TBC1D22A: variants seen among roughly 807,000 people sequenced by gnomAD.
TBC1D22A encodes the protein TBC1 domain family member 22A.
A neutral mutation model predicts 60.2 loss-of-function variants in TBC1D22A; 38 were observed. The ratio of observed to expected loss-of-function variants is 0.63; its 90% CI spans 0.49 to 0.83. TBC1D22A has a LOEUF of 0.83. Ranked by LOEUF, TBC1D22A falls within the 40% of genes least tolerant of loss-of-function variation. The pLI, the probability that TBC1D22A is intolerant of heterozygous loss-of-function variation, is 0.00. For missense variants in TBC1D22A, 628 were observed against 701.0 expected (o/e 0.90, Z 1.18); for synonymous variants, 302 against 281.7 (o/e 1.07, Z -0.72).
intron 1 of TBC1D22A, among the ~76,000 whole-genome samples, chr22:46,769,894 T>C (rs575849163): frequency 6.6e-6 from 1 of 152,020 alleles, no homozygotes; most frequent in South Asian, 2.1e-4. Context: ...ACACTCAGGA[T>C]TCACTGATGG....
At chr22:46,901,954 G>A (rs3891508) in intron 7 of TBC1D22A, among the ~76,000 whole-genome samples, 17,827 of 135,472 alleles carry the variant, frequency 0.13, 2,323 homozygotes, top group African/African-American at 0.35. Flanking sequence ...GTTTATAAAC[G>A]TGAGTACAGC....
chr22:46,890,423 A>C (rs1003160553), intron 5 of TBC1D22A, among the ~76,000 whole-genome samples: 1 of 152,184 alleles, frequency 6.6e-6, no homozygotes, highest in Non-Finnish European at 1.5e-5. Context: ...AATTACTTAC[A>C]TAGCATTTAC....
chr22:46,982,226 CTTTTT>C (rs750713030), intron 9 of TBC1D22A, among the ~76,000 whole-genome samples: 1 of 138,642 alleles, frequency 7.2e-6, no homozygotes. Flanking sequence ...AAGAGACAGT[CTTTTT>C]TTTTTTTTTT....
At chr22:46,840,038 C>T (rs1241213155) in intron 4 of TBC1D22A, among the ~76,000 whole-genome samples, 1 of 152,194 alleles carries the variant, frequency 6.6e-6, no homozygotes, top group Non-Finnish European at 1.5e-5. Flanking sequence ...TTGTTCTGCT[C>T]AGTGCCTTTT....
chr22:47,108,319 T>C (rs867114687), intron 11 of TBC1D22A, among the ~76,000 whole-genome samples: 1 of 152,218 alleles, frequency 6.6e-6, no homozygotes, highest in East Asian at 1.9e-4. Context: ...AACAGATGAA[T>C]GGATAAACAA....
chr22:47,005,825 C>T (rs1162755812), intron 10 of TBC1D22A, among the ~76,000 whole-genome samples: 2 of 151,400 alleles, frequency 1.3e-5, no homozygotes, highest in South Asian at 2.1e-4. Context: ...TACACACCCC[C>T]CATACACATA....
At chr22:47,120,141 T>A (rs2066220037) in intron 12 of TBC1D22A, among the ~76,000 whole-genome samples, 1 of 152,166 alleles carries the variant, frequency 6.6e-6, no homozygotes, top group Non-Finnish European at 1.5e-5. Flanking sequence ...AATAAAAATA[T>A]CCTATCAATA....
intron 10 of TBC1D22A, among the ~76,000 whole-genome samples, chr22:47,017,116 T>TA (rs1176459173): frequency 1.3e-5 from 2 of 152,272 alleles, no homozygotes; most frequent in Non-Finnish European, 2.9e-5. Flanking sequence ...TATTACCAGT[T>TA]ACAAGTCTTT....
intron 12 of TBC1D22A, among the ~76,000 whole-genome samples, chr22:47,169,804 A>G (rs1175022049): frequency 1.4e-4 from 21 of 152,210 alleles, no homozygotes; most frequent in Admixed American, 1.4e-3. Flanking sequence ...AGATCCACAG[A>G]TGTGGCCATT....
At chr22:47,003,659 A>T (rs548760791) in intron 10 of TBC1D22A, among the ~76,000 whole-genome samples, 3 of 126,640 alleles carry the variant, frequency 2.4e-5, no homozygotes, top group African/African-American at 9.5e-5. Context: ...GCACCCCTGT[A>T]TACACACACA....
intron 12 of TBC1D22A, among the ~76,000 whole-genome samples, chr22:47,158,543 C>G (rs9626944): frequency 0.2 from 30,670 of 152,138 alleles, 4,066 homozygotes; most frequent in African/African-American, 0.38. Flanking sequence ...ACGGCCCACC[C>G]TCTGCACAGC....
Position 46,777,262 on chromosome 22 carries a change from A to G in TBC1D22A, c.62+14414A>G, listed in dbSNP as rs374291462. Among the ~76,000 whole-genome samples, 2 of 149,134 alleles carry G rather than the reference A, an allele frequency of 1.3e-5. No individual in the cohort carries two copies. Among genetic ancestry groups the G allele is most frequent in the Non-Finnish European group, 3.0e-5 (2 of 66,922 alleles). On this transcript the variant is annotated intron_variant, in intron 1 of 12. Coordinates refer to ENST00000337137, the MANE Select transcript of TBC1D22A (RefSeq NM_014346.5). The surrounding 1 kb of genome is among the most constrained non-coding windows in gnomAD (Gnocchi z 4.5). Reference sequence around the variant, plus strand: ...GGTTTTCGATGCCAGGACATGGGCCAGTGAGAGCCAGGGGCCGCCAGAAGA... The same window carrying G: ...GGTTTTCGATGCCAGGACATGGGCCGGTGAGAGCCAGGGGCCGCCAGAAGA...
chr22:47,059,713 C>T (rs568645073), intron 11 of TBC1D22A, among the ~76,000 whole-genome samples: 31 of 152,290 alleles, frequency 2.0e-4, no homozygotes, highest in South Asian at 6.2e-4. Flanking sequence ...ATGCAGGTGC[C>T]GTTTCTGCCT....
In TBC1D22A at chr22:46,942,026, T is replaced by TA. The variant is rs1555960666; in HGVS notation, c.1015+29838_1015+29839insA. ...CAGCATACATATATATATATATATATTATATATATATATACACACAGTCCA... is the reference window on the plus strand; with the variant it reads ...CAGCATACATATATATATATATATATATATATATATATATACACACAGTCCA... On this transcript the variant is annotated intron_variant, in intron 8 of 12. Transcript: ENST00000337137. Among the ~76,000 whole-genome samples, 226 of 137,392 alleles carry TA rather than the reference T, an allele frequency of 1.6e-3. 1 individual carries two copies. The highest frequency in any genetic ancestry group is 5.0e-4 in the Non-Finnish European group (32 of 64,378). The allele number at this position is 137,392 out of a possible 152,430, so 90.1% of individuals were successfully genotyped here.
intron 12 of TBC1D22A, among the ~76,000 whole-genome samples, chr22:47,124,666 C>A (rs2066388718): frequency 1.3e-5 from 2 of 152,190 alleles, no homozygotes; most frequent in Non-Finnish European, 2.9e-5. Context: ...GCAAGCTGGT[C>A]CCAGAGGCAG....
chr22:47,167,199 C>A (rs1411928034), intron 12 of TBC1D22A, among the ~76,000 whole-genome samples: 1 of 152,176 alleles, frequency 6.6e-6, no homozygotes, highest in Non-Finnish European at 1.5e-5. Context: ...TTTGCATATA[C>A]ACACAGAAAG....
chr22:46,788,573 TGGG>T (rs1038242247), intron 1 of TBC1D22A, among the ~76,000 whole-genome samples: 2 of 151,944 alleles, frequency 1.3e-5, no homozygotes, highest in African/African-American at 4.8e-5. Flanking sequence ...CCAGCCCCAC[TGGG>T]ACCCGCCTGT....
chr22:46,822,055 C>G (rs1037625114), intron 4 of TBC1D22A, among the ~76,000 whole-genome samples: 1 of 151,820 alleles, frequency 6.6e-6, no homozygotes, highest in Non-Finnish European at 1.5e-5. Context: ...GTTTGCTTCA[C>G]GAAGATCTCA....
intron 8 of TBC1D22A, among the ~76,000 whole-genome samples, chr22:46,929,705 TGTGTGTGTGTGC>T (rs1020095544): frequency 3.4e-4 from 3 of 8,864 alleles, no homozygotes; most frequent in Admixed American, 2.4e-3. Context: ...CAAGGGTGTG[TGTGTGTGTGTGC>T]GTGTGCGTGT....
Sources: gnomAD v4.1 joint callset for allele counts (sites outside exome capture counted in the v4.1 genomes callset) on GRCh38, gnomAD v4.1.1 for gene constraint, Gnocchi (gnomAD v3.1) non-coding constraint, MANE v1.5 for transcripts, NCBI Gene and HGNC (gene_info 2026-07-23, HGNC 2026-07-21) for gene names.